PGBD5: variants seen among roughly 807,000 people sequenced by gnomAD.
The protein encoded by PGBD5 is piggyBac transposable element-derived protein 5.
In PGBD5, 14 loss-of-function variants were observed where a neutral mutation model predicts 47.9. The observed-to-expected ratio is 0.29, with a 90% confidence interval of 0.19 to 0.46. PGBD5 has a LOEUF of 0.46. Ranked by LOEUF, PGBD5 falls within the 20% of genes least tolerant of loss-of-function variation. The probability of loss-of-function intolerance (pLI) is 1.00; values close to 1 mark genes in which losing one functional copy is unlikely to be tolerated. For synonymous variants in PGBD5, 316 were observed against 306.3 expected (o/e 1.03, Z -0.33); for missense variants, 635 against 716.0 (o/e 0.89, Z 1.29).
chr1:230,418,047 T>C (rs2102754337), intron 1 of PGBD5, among the ~76,000 whole-genome samples: 1 of 152,256 alleles, frequency 6.6e-6, no homozygotes, highest in East Asian at 1.9e-4. Flanking sequence ...ATTCAGTGGG[T>C]AGAGGCCTGG....
intron 3 of PGBD5, among the ~76,000 whole-genome samples, chr1:230,344,866 A>G (rs1667454585): frequency 6.6e-6 from 1 of 152,252 alleles, no homozygotes. Flanking sequence ...ACAGCCACCC[A>G]GCCCTCTGAA....
chr1:230,360,043 G>A (rs1486034719), intron 1 of PGBD5, among the ~76,000 whole-genome samples: 4 of 152,324 alleles, frequency 2.6e-5, no homozygotes, highest in East Asian at 1.9e-4. Context: ...TGCAGCCTCC[G>A]GTGGGTGCAG....
intron 1 of PGBD5, among the ~76,000 whole-genome samples, chr1:230,374,406 G>A (rs953870959): frequency 6.6e-6 from 1 of 152,154 alleles, no homozygotes; most frequent in African/African-American, 2.4e-5. Flanking sequence ...AACAGAGTAA[G>A]ACTCCATCTC....
At chr1:230,417,253 C>T (rs1424538247) in intron 1 of PGBD5, among the ~76,000 whole-genome samples, 1 of 152,070 alleles carries the variant, frequency 6.6e-6, no homozygotes, top group Non-Finnish European at 1.5e-5. Context: ...TTATCCCATT[C>T]CCTTCTGCTG....
Position 230,352,508 on chromosome 1 carries a change from G to A in PGBD5, c.760-1416C>T, listed in dbSNP as rs80082810. ...AATGGAAGGTGGGCTGAGGTTGAAT[G>A]CAAATTGAATGCAAGGTTACCGTGC... is the stretch of plus-strand genomic sequence containing the variant. On this transcript the variant is annotated intron_variant, in intron 2 of 6. Coordinates refer to ENST00000391860, the MANE Select transcript of PGBD5 (RefSeq NM_001258311.2). Among the ~76,000 whole-genome samples the A allele has an allele frequency of 2.4e-3, 372 of 152,252 alleles. 1 individual carries two copies. The highest frequency in any genetic ancestry group is 8.5e-3 in the African/African-American group (353 of 41,548).
Position 230,318,932 on chromosome 1 carries a change from A to AT in PGBD5, c.*4492_*4493insA, listed in dbSNP as rs1158486689. ...AACACCCATCTCCATCTAGGACAAG[A>AT]AAAGGACCCAGGGGGAGGGTGATGT... On this transcript the variant is annotated 3_prime_UTR_variant, in exon 7 of 7. Transcript: ENST00000391860. The AT allele has an allele frequency of 6.6e-6, 1 of 152,236 alleles. No homozygotes were observed. The highest frequency in any genetic ancestry group is 2.4e-5 in the African/African-American group (1 of 41,430). The allele number at this position is 152,236 out of a possible 1,614,324, so 9.4% of individuals were successfully genotyped here.
At chr1:230,368,213 A>G in intron 1 of PGBD5, 1 of 1,309,056 alleles carries the variant, frequency 7.6e-7, no homozygotes, top group South Asian at 1.3e-5. Context: ...AAAGCTGACC[A>G]CTGAAATATA....
intron 3 of PGBD5, among the ~76,000 whole-genome samples, chr1:230,338,166 C>A: frequency 6.6e-6 from 1 of 152,334 alleles, no homozygotes; most frequent in African/African-American, 2.4e-5. Flanking sequence ...GACATCTACA[C>A]TCAAATTTTT....
chr1:230,415,265 ACT>A (rs1657489606), intron 1 of PGBD5, among the ~76,000 whole-genome samples: 1 of 131,420 alleles, frequency 7.6e-6, no homozygotes, highest in Non-Finnish European at 1.7e-5. Flanking sequence ...ACAGAACGAG[ACT>A]CTGTCTAAAA....
In PGBD5 at chr1:230,322,504, T is replaced by A. The variant is rs1667049678; in HGVS notation, c.*921A>T. On this transcript the variant is annotated 3_prime_UTR_variant, in exon 7 of 7. Transcript: ENST00000391860. This position sits in a 1 kb window ranked among gnomAD's most constrained non-coding sequence, Gnocchi z 5.9. ...ACAAGTAATTCTGCCAATGATGACA[T>A]CTGCGACAAAGCTTAGGGCCCGCGG... is the stretch of plus-strand genomic sequence containing the variant. 1 of 152,598 alleles carries A rather than the reference T, an allele frequency of 6.6e-6. No individual in the cohort carries two copies. The highest frequency in any genetic ancestry group is 2.4e-5 in the African/African-American group (1 of 41,448). The allele number at this position is 152,598 out of a possible 1,614,324, so 9.5% of individuals were successfully genotyped here.
intron 1 of PGBD5, among the ~76,000 whole-genome samples, chr1:230,409,432 A>G (rs1657368688): frequency 6.6e-6 from 1 of 152,268 alleles, no homozygotes; most frequent in Non-Finnish European, 1.5e-5. Context: ...TATTCATAAT[A>G]GCCAATAGGT....
intron 1 of PGBD5, among the ~76,000 whole-genome samples, chr1:230,374,628 A>G (rs74613325): frequency 2.4e-3 from 358 of 152,290 alleles, no homozygotes; most frequent in African/African-American, 8.2e-3. Flanking sequence ...ATTTCTGGAA[A>G]TAATTGATAC....
chr1:230,409,346 C>T (rs12401331), intron 1 of PGBD5, among the ~76,000 whole-genome samples: 33,076 of 152,088 alleles, frequency 0.22, 4,094 homozygotes, highest in Admixed American at 0.38. Context: ...GACCCAGCAA[C>T]TCCACTCCTG....
chr1:230,335,690 GAC>G (rs1491276862), intron 4 of PGBD5, among the ~76,000 whole-genome samples: 283 of 6,100 alleles, frequency 0.046, 7 homozygotes, highest in African/African-American at 0.1. Flanking sequence ...CAGACACACA[GAC>G]ACATACACAT....
In PGBD5 at chr1:230,337,216, T is replaced by C; in HGVS notation, c.967A>G (p.Ser323Gly). The C allele has an allele frequency of 6.2e-7, 1 of 1,614,210 alleles. No homozygotes were observed. Among genetic ancestry groups the C allele is most frequent in the Non-Finnish European group, 8.5e-7 (1 of 1,180,034 alleles). Residue 323 changes from serine to glycine, a missense_variant, in exon 4 of 7, where the codon AGC becomes GGC. Ser to Gly is a moderately conservative substitution (Grantham distance 56, BLOSUM62 0). Coordinates refer to ENST00000391860, the MANE Select transcript of PGBD5 (RefSeq NM_001258311.2). The part of the protein sequence containing the change: ...DALKNKPQLH[S>G]MVARSLCRNA... ...CGGCACAGGCTCCTGGCCACCATGC[T>C]GTGGAGCTGGGGCTTATTCTTCAGC...
At chr1:230,380,863 T>G (rs1309410037) in intron 1 of PGBD5, among the ~76,000 whole-genome samples, 2 of 152,172 alleles carry the variant, frequency 1.3e-5, no homozygotes, top group Non-Finnish European at 2.9e-5. Context: ...CAGGAGCAGC[T>G]GAAGTGGCCC....
chr1:230,424,700 A>G (rs1571869284), intron 1 of PGBD5, among the ~76,000 whole-genome samples: 1 of 152,258 alleles, frequency 6.6e-6, no homozygotes, highest in African/African-American at 2.4e-5. Context: ...CACAGCATGC[A>G]GGAGCACGGG....
chr1:230,363,012 G>A (rs1316010383), intron 1 of PGBD5, among the ~76,000 whole-genome samples: 2 of 152,122 alleles, frequency 1.3e-5, no homozygotes, highest in Non-Finnish European at 2.9e-5. Context: ...ATCAAGTGGG[G>A]GTGGGCCTAC....
At chr1:230,331,062 G>A (rs1044793816) in intron 5 of PGBD5, among the ~76,000 whole-genome samples, 3 of 152,034 alleles carry the variant, frequency 2.0e-5, no homozygotes, top group Non-Finnish European at 2.9e-5. Context: ...CTTTCACTGA[G>A]CTCAGATGAA....
Sources: allele counts gnomAD v4.1 joint callset (sites outside exome capture counted in the v4.1 genomes callset), GRCh38; gene constraint gnomAD v4.1.1; non-coding constraint Gnocchi (gnomAD v3.1); transcripts MANE v1.5; gene names NCBI Gene and HGNC (gene_info 2026-07-23, HGNC 2026-07-21).